UGT2B7: variants seen among roughly 807,000 people sequenced by gnomAD.
The protein encoded by UGT2B7 is UDP-glucuronosyltransferase 2B7.
UGT2B7 carries 51 observed loss-of-function variants against 51.9 expected under a neutral mutation model. The observed-to-expected ratio is 0.98, with a 90% CI of 0.78 to 1.24. The LOEUF is 1.24. Among genes scored for constraint, UGT2B7 ranks in the 50% most tolerant of loss-of-function variants. The pLI, the probability that UGT2B7 is intolerant of heterozygous loss-of-function variation, is 0.00. For synonymous variants in UGT2B7, 225 were observed against 211.6 expected, an observed-to-expected ratio of 1.06 and a Z score of -0.55; for missense variants, 727 against 628.4, an observed-to-expected ratio of 1.16 and a Z score of -1.68.
chr4:69,097,286 G>A (rs1405519287), intron 1 of UGT2B7, 45 bp downstream of exon 1: 1 of 1,578,376 alleles, frequency 6.3e-7, no homozygotes, highest in Non-Finnish European at 8.6e-7. Flanking sequence ...TAACTTATTT[G>A]TGTCTTTGAA....
At chr4:69,097,557 C>A (rs939758302) in intron 1 of UGT2B7, among the ~76,000 whole-genome samples, 3 of 152,028 alleles carry the variant, frequency 2.0e-5, no homozygotes, top group Non-Finnish European at 4.4e-5. Flanking sequence ...ACAGTAAAAT[C>A]CATCAAATAA....
chr4:69,093,437 T>A (rs141752261), upstream of UGT2B7, among the ~76,000 whole-genome samples: 1 of 152,170 alleles, frequency 6.6e-6, no homozygotes, highest in Non-Finnish European at 1.5e-5. Flanking sequence ...GTGGATCTTA[T>A]CCTGTGAGGT....
intron 2 of UGT2B7, among the ~76,000 whole-genome samples, chr4:69,098,963 G>T (rs1719338742): frequency 1.3e-5 from 2 of 151,896 alleles, no homozygotes; most frequent in Non-Finnish European, 2.9e-5. Context: ...AGAAGGTATT[G>T]GTCATCCAAT....
At chr4:69,094,520 TA>T (rs1418983772), upstream of UGT2B7, among the ~76,000 whole-genome samples, 1 of 152,174 alleles carries the variant, frequency 6.6e-6, no homozygotes, top group South Asian at 2.1e-4. Flanking sequence ...ATATTAAGTC[TA>T]AAAAAATACA....
chr4:69,061,222 G>C (rs1468538100), intron 1 of UGT2B7, among the ~76,000 whole-genome samples: 1 of 152,124 alleles, frequency 6.6e-6, no homozygotes, highest in Non-Finnish European at 1.5e-5. Flanking sequence ...ATATGCTTTT[G>C]CCACTTTGCA....
chr4:69,094,343 T>C (rs1209525554), upstream of UGT2B7, among the ~76,000 whole-genome samples: 3 of 41,938 alleles, frequency 7.2e-5, no homozygotes, highest in Admixed American at 3.3e-4. Flanking sequence ...AGAGACGGGG[T>C]TTCACCGTGT....
chr4:69,104,678 A>G (rs967160674), intron 3 of UGT2B7, among the ~76,000 whole-genome samples: 7 of 152,182 alleles, frequency 4.6e-5, no homozygotes, highest in South Asian at 2.1e-4. Context: ...TGGTATTGCC[A>G]TGATATTGGG....
intron 2 of UGT2B7, among the ~76,000 whole-genome samples, chr4:69,099,755 A>G (rs1271507127): frequency 4.6e-5 from 7 of 152,070 alleles, no homozygotes; most frequent in Admixed American, 4.6e-4. Flanking sequence ...TGTTATTATT[A>G]CTAATACTAC....
chr4:69,058,733 C>A (rs150962550), intron 1 of UGT2B7, among the ~76,000 whole-genome samples: 2 of 151,978 alleles, frequency 1.3e-5, no homozygotes, highest in African/African-American at 4.8e-5. Context: ...ATTGAAGTGG[C>A]CACAAGTTGT....
chr4:69,064,112 A>AGAGAAAGAAAGAAAG (rs1718433031), intron 1 of UGT2B7, among the ~76,000 whole-genome samples: 30 of 86,826 alleles, frequency 3.5e-4, no homozygotes, highest in Non-Finnish European at 5.6e-4. Context: ...GAAAGAAAGA[A>AGAGAAAGAAAGAAAG]AAAGAAAGAA....
rs1258195267 is a variant in UGT2B7 at position 69,112,775 on chromosome 4, A to G, written c.*39A>G. The G allele has an allele frequency of 6.2e-7, 1 of 1,600,412 alleles. No homozygotes were observed. The highest frequency in any genetic ancestry group is 8.5e-7 in the Non-Finnish European group (1 of 1,174,454). On this transcript the variant is annotated 3_prime_UTR_variant, in exon 6 of 6. Transcript: ENST00000305231. ...TTGAAGCTGGAAAACCTGATAGGTG[A>G]GACTACTTCAGTTTATTCCAGCAAG...
rs557145747 is a variant in UGT2B7 at position 69,109,037 on chromosome 4, G to A, written c.1310+715G>A. ...GACATTTCACCTAGGCTAATTTTTT[G>A]TTGTTTTTTTTTTCTGGTTTTAGTT... On this transcript the variant is annotated intron_variant, in intron 5 of 5. Coordinates refer to ENST00000305231, the MANE Select transcript of UGT2B7 (RefSeq NM_001074.4). Among the ~76,000 whole-genome samples, 3 of 149,650 alleles carry A rather than the reference G, an allele frequency of 2.0e-5. No individual in the cohort carries two copies. The South Asian group carries it at 6.3e-4, about 31-fold the overall frequency.
intron 1 of UGT2B7, among the ~76,000 whole-genome samples, chr4:69,051,986 G>C (rs1488579411): frequency 6.6e-6 from 1 of 152,024 alleles, no homozygotes; most frequent in Non-Finnish European, 1.5e-5. Context: ...GTGGTGTTTT[G>C]CCTCGAAAAA....
chr4:69,064,114 A>AAAGAAAGAAAG lies in UGT2B7; in HGVS notation c.-159+12513_-159+12514insAGAAAGAAAGA, dbSNP rs1560499815. ...AAAGAAAGAGAAAGAAAGAAAGAAA[A>AAAGAAAGAAAG]AGAAAGAAAGAAAGAAAGAAAGAAA... On this transcript the variant is annotated intron_variant, in intron 1 of 5. Coordinates refer to the UGT2B7 transcript ENST00000502942. Among the ~76,000 whole-genome samples, 33 of 123,128 alleles carry AAAGAAAGAAAG rather than the reference A, an allele frequency of 2.7e-4. 1 individual carries two copies. Among genetic ancestry groups the AAAGAAAGAAAG allele is most frequent in the African/African-American group, 1.0e-3 (30 of 29,502 alleles). 80.8% of individuals were successfully genotyped at this position (123,128 alleles called of 152,430 possible).
At chr4:69,107,392 T>C in intron 4 of UGT2B7, 130 bp downstream of exon 4, 1 of 1,116,710 alleles carries the variant, frequency 9.0e-7, no homozygotes, top group Non-Finnish European at 1.2e-6. Context: ...ATATTGATTT[T>C]CCAGTCTTAA....
At chr4:69,103,825 C>T (rs6858558) in intron 3 of UGT2B7, among the ~76,000 whole-genome samples, 90,031 of 151,978 alleles carry the variant, frequency 0.59, 28,035 homozygotes, top group African/African-American at 0.77. Context: ...GTATAAAATA[C>T]GTGACAACAA....
chr4:69,101,678 G>T (rs547322189), intron 2 of UGT2B7, among the ~76,000 whole-genome samples: 24 of 152,272 alleles, frequency 1.6e-4, no homozygotes, highest in African/African-American at 5.8e-4. Flanking sequence ...GTGGTCTGCA[G>T]AGTTAACATT....
intron 1 of UGT2B7, among the ~76,000 whole-genome samples, chr4:69,069,123 G>A (rs1220542140): frequency 4.7e-5 from 7 of 149,772 alleles, no homozygotes; most frequent in Admixed American, 6.7e-5. Flanking sequence ...AAAAAGGACC[G>A]GTAGATATCA....
At position 69,112,861 on chromosome 4, in the gene UGT2B7, C is replaced by G. The variant is rs1035118734; in HGVS notation, c.*125C>G. 3.7e-6 allele frequency: 5 copies of G among 1,335,242 alleles called. No individual in the cohort carries two copies. The highest frequency in any genetic ancestry group is 3.9e-6 in the Non-Finnish European group (4 of 1,016,964). The allele number at this position is 1,335,242 out of a possible 1,614,324, so 82.7% of individuals were successfully genotyped here. ...CAAAAAAAAAAAAAGAAAAAAAAAT[C>G]TTTTCAAAATTTACTTTGTCAAATA... On this transcript the variant is annotated 3_prime_UTR_variant, in exon 6 of 6. Coordinates refer to ENST00000305231, the MANE Select transcript of UGT2B7 (RefSeq NM_001074.4).
Sources: gnomAD v4.1 joint callset for allele counts (sites outside exome capture counted in the v4.1 genomes callset) on GRCh38, gnomAD v4.1.1 for gene constraint, MANE v1.5 for transcripts, NCBI Gene and HGNC (gene_info 2026-07-23, HGNC 2026-07-21) for gene names.